The following CADM2 variants were observed in gnomAD, a reference collection of about 807,000 sequenced individuals.
CADM2 encodes the protein cell adhesion molecule 2, also known as immunoglobulin superfamily member 4D.
A neutral mutation model predicts 49.8 loss-of-function variants in CADM2; 12 were observed. That is an observed-to-expected ratio of 0.24 (90% CI 0.15 to 0.39). The LOEUF is 0.39. Among genes scored for constraint, CADM2 ranks in the 10% least tolerant of loss-of-function variants. The pLI, the probability that CADM2 is intolerant of heterozygous loss-of-function variation, is 1.00. For synonymous variants in CADM2, 214 were observed against 175.4 expected, an observed-to-expected ratio of 1.22 and a Z score of -1.74; for missense variants, 378 against 492.3, an observed-to-expected ratio of 0.77 and a Z score of 2.20.
intron 1 of CADM2, among the ~76,000 whole-genome samples, chr3:85,362,887 G>T: frequency 6.6e-6 from 1 of 152,000 alleles, no homozygotes; most frequent in Non-Finnish European, 1.5e-5. Flanking sequence ...ATAGTTAAAG[G>T]CATATCAAAA....
chr3:86,039,925 C>A (rs1034825672), intron 8 of CADM2, among the ~76,000 whole-genome samples: 1 of 152,162 alleles, frequency 6.6e-6, no homozygotes, highest in African/African-American at 2.4e-5. Flanking sequence ...TGCTGTTCAC[C>A]AATATCCGCT....
chr3:85,598,650 A>C (rs1271643113), intron 1 of CADM2, among the ~76,000 whole-genome samples: 1 of 151,948 alleles, frequency 6.6e-6, no homozygotes, highest in Non-Finnish European at 1.5e-5. Context: ...GGTCATTTAA[A>C]AAAAAATATT....
rs545553242 is a variant in CADM2, at chr3:86,020,996, C to T, written c.971-44609C>T. ...TTGGAAGTTCTGGCCAGGGCAAAAACTTTTTTTCTTTTGAGACAGAGTCTT... is the reference window on the plus strand; with the variant it reads ...TTGGAAGTTCTGGCCAGGGCAAAAATTTTTTTTCTTTTGAGACAGAGTCTT... On this transcript the variant is annotated intron_variant, in intron 8 of 9. Coordinates refer to ENST00000383699, the MANE Select transcript of CADM2 (RefSeq NM_001167675.2). 3.7e-3 allele frequency among the ~76,000 whole-genome samples: 566 copies of T among 152,088 alleles called. 10 individuals carry two copies. The highest frequency in any genetic ancestry group is 0.032 in the South Asian group (154 of 4,804).
At chr3:85,999,435 G>A (rs1204629216) in intron 8 of CADM2, among the ~76,000 whole-genome samples, 2 of 151,862 alleles carry the variant, frequency 1.3e-5, no homozygotes, top group East Asian at 3.9e-4. Flanking sequence ...AACCCGGGAG[G>A]TGAAGCTTGC....
Position 86,067,425 on chromosome 3 carries a change from C to T in CADM2, c.*642C>T, listed in dbSNP as rs898317043. The T allele has an allele frequency of 6.6e-5, 10 of 152,424 alleles. No individual in the cohort carries two copies. The East Asian group carries it at 9.6e-4, about 15-fold the overall frequency. The allele number at this position is 152,424 out of a possible 1,614,324, so 9.4% of individuals were successfully genotyped here. A position where few individuals can be genotyped will look rare whatever the true frequency, so the allele number is the denominator to read the frequency against. ...GTATTTGATACAGGAGCCATGTGTA[C>T]GAATTGCAATCATGACATGGTATTT... On this transcript the variant is annotated 3_prime_UTR_variant, in exon 10 of 10. Coordinates refer to ENST00000383699, the MANE Select transcript of CADM2 (RefSeq NM_001167675.2).
At chr3:85,611,092 C>G (rs1559941921) in intron 1 of CADM2, among the ~76,000 whole-genome samples, 1 of 151,740 alleles carries the variant, frequency 6.6e-6, no homozygotes, top group Non-Finnish European at 1.5e-5. Flanking sequence ...AAAGAAGAAA[C>G]AAATTTATGA....
At chr3:85,110,451 A>G (rs983042605) in intron 1 of CADM2, among the ~76,000 whole-genome samples, 2 of 151,784 alleles carry the variant, frequency 1.3e-5, no homozygotes, top group Non-Finnish European at 2.9e-5. Flanking sequence ...CTTTCTTTAT[A>G]GCATGTATAA....
At chr3:85,550,749 A>G (rs567007538) in intron 1 of CADM2, among the ~76,000 whole-genome samples, 20 of 152,242 alleles carry the variant, frequency 1.3e-4, no homozygotes, top group African/African-American at 4.6e-4. Flanking sequence ...AACTTGATCT[A>G]AAATGCTTGG....
intron 1 of CADM2, among the ~76,000 whole-genome samples, chr3:85,475,808 G>C (rs2038951986): frequency 6.6e-6 from 1 of 151,814 alleles, no homozygotes; most frequent in South Asian, 2.1e-4. Flanking sequence ...TTAAGATCCA[G>C]GCACTGTTCC....
chr3:85,513,100 G>A (rs1331009749), intron 1 of CADM2, among the ~76,000 whole-genome samples: 2 of 151,884 alleles, frequency 1.3e-5, no homozygotes, highest in Non-Finnish European at 2.9e-5. Context: ...ATAGAAGATT[G>A]CTTATAATTA....
intron 1 of CADM2, among the ~76,000 whole-genome samples, chr3:85,451,942 A>G (rs1396955057): frequency 2.0e-5 from 3 of 152,058 alleles, no homozygotes; most frequent in Non-Finnish European, 4.4e-5. Flanking sequence ...AAAGCACTCA[A>G]TTTCTAAGCT....
chr3:85,856,953 A>T (rs1239479662), intron 3 of CADM2, among the ~76,000 whole-genome samples: 1 of 152,204 alleles, frequency 6.6e-6, no homozygotes, highest in African/African-American at 2.4e-5. Flanking sequence ...GGTTCAGTCT[A>T]CCATAACAAA....
intron 1 of CADM2, among the ~76,000 whole-genome samples, chr3:85,589,851 A>G (rs1167811175): frequency 1.3e-5 from 2 of 152,064 alleles, no homozygotes; most frequent in Non-Finnish European, 2.9e-5. Flanking sequence ...AAATTTACTG[A>G]AAATATGTTA....
chr3:85,639,859 T>C (rs1038744845), intron 1 of CADM2, among the ~76,000 whole-genome samples: 4 of 152,104 alleles, frequency 2.6e-5, no homozygotes, highest in African/African-American at 7.2e-5. Context: ...AAAAATGACA[T>C]GAAAGGGAAT....
chr3:85,849,984 A>C (rs983410881), intron 3 of CADM2, among the ~76,000 whole-genome samples: 1 of 152,196 alleles, frequency 6.6e-6, no homozygotes, highest in Non-Finnish European at 1.5e-5. Context: ...GATACCGTAA[A>C]GAACTGTTAA....
In CADM2 at chr3:85,406,133, G is replaced by A. The variant is rs558859678; in HGVS notation, c.62-320389G>A. On this transcript the variant is annotated intron_variant, in intron 1 of 9. Coordinates refer to ENST00000383699, the MANE Select transcript of CADM2 (RefSeq NM_001167675.2). Reference sequence around the variant, plus strand: ...TAGAGACCAACCAATAGACAATTTCGTATTTCACTAAATATATTAAACTCT... The same window carrying A: ...TAGAGACCAACCAATAGACAATTTCATATTTCACTAAATATATTAAACTCT... Among the ~76,000 whole-genome samples the A allele has an allele frequency of 5.3e-5, 8 of 151,706 alleles. No individual in the cohort carries two copies. The South Asian group carries it at 1.0e-3, about 20-fold the overall frequency.
chr3:85,847,876 G>A (rs985710747), intron 3 of CADM2, among the ~76,000 whole-genome samples: 4 of 152,088 alleles, frequency 2.6e-5, no homozygotes, highest in Admixed American at 1.3e-4. Context: ...ATCTACTGCC[G>A]TCCTTGGCTG....
chr3:85,653,247 A>G (rs556626293), intron 1 of CADM2, among the ~76,000 whole-genome samples: 2 of 150,192 alleles, frequency 1.3e-5, no homozygotes, highest in Admixed American at 6.7e-5. Context: ...TACTGTGAGC[A>G]AGGAGGGGAG....
chr3:85,845,422 A>G (rs892329294), intron 3 of CADM2, among the ~76,000 whole-genome samples: 2 of 152,130 alleles, frequency 1.3e-5, no homozygotes, highest in African/African-American at 4.8e-5. Context: ...CTTTCTTGTA[A>G]CTATGTTCAA....
Sources: gnomAD v4.1 joint callset for allele counts (sites outside exome capture counted in the v4.1 genomes callset) on GRCh38, gnomAD v4.1.1 for gene constraint, MANE v1.5 for transcripts, NCBI Gene and HGNC (gene_info 2026-07-23, HGNC 2026-07-21) for gene names.